Variants in DENND1A observed in about 807,000 individuals in gnomAD.
DENND1A encodes DENN domain-containing protein 1A.
DENND1A carries 51 observed loss-of-function variants against 113.7 expected under a neutral mutation model. The ratio of observed to expected loss-of-function variants is 0.45; its 90% confidence interval spans 0.36 to 0.57. The LOEUF is 0.57. DENND1A is among the 20% of genes least tolerant of loss of function. DENND1A has a pLI of 0.00. For synonymous variants in DENND1A, 565 were observed against 570.8 expected, an observed-to-expected ratio of 0.99 and a Z score of 0.14; for missense variants, 1,258 against 1,395.9, an observed-to-expected ratio of 0.90 and a Z score of 1.57.
At chr9:123,727,786 A>G (rs1338482440) in intron 5 of DENND1A, among the ~76,000 whole-genome samples, 1 of 152,194 alleles carries the variant, frequency 6.6e-6, no homozygotes, top group Non-Finnish European at 1.5e-5. Context: ...GCCAAAAACC[A>G]CAAAACACCA....
At chr9:123,552,080 T>C (rs889976677) in intron 13 of DENND1A, among the ~76,000 whole-genome samples, 44 of 93,954 alleles carry the variant, frequency 4.7e-4, no homozygotes, top group Admixed American at 2.8e-3. Flanking sequence ...GCCAAGGTGG[T>C]AAAAATCTCA....
At position 123,381,524 on chromosome 9, in the gene DENND1A, T is replaced by C; in HGVS notation, c.3121A>G (p.Lys1041Glu). 1.2e-6 allele frequency: 2 copies of C among 1,613,646 alleles called. No homozygotes were observed. Among genetic ancestry groups the C allele is most frequent in the Non-Finnish European group, 1.7e-6 (2 of 1,179,952 alleles). Residue 1041 changes from lysine to glutamate, a missense_variant, in exon 24 of 24, where the codon AAA (lysine) becomes GAA (glutamate). Physicochemically the swap from Lys to Glu is moderately conservative, Grantham distance 56. This residue lies in a region of DENND1A where 1,159 missense variants were observed against 1,231.7 expected (regional missense o/e 0.94). Transcript: ENST00000394215. This position sits in a 1 kb window ranked among gnomAD's most constrained non-coding sequence, Gnocchi z 4.7. ...ARDPFEDLLQ[K>E]TKQDVSPSPA... ...CTCGGGCTCACGTCTTGCTTGGTTT[T>C]CTGTAACAAATCCTCAAAGGGGTCT...
At chr9:123,472,159 G>A (rs1440295549) in intron 13 of DENND1A, among the ~76,000 whole-genome samples, 1 of 152,162 alleles carries the variant, frequency 6.6e-6, no homozygotes, top group Non-Finnish European at 1.5e-5. Context: ...TGCCCTTTGT[G>A]AGCTGGGCAT....
chr9:123,506,510 A>G (rs1286520286), intron 13 of DENND1A, among the ~76,000 whole-genome samples: 1 of 122,896 alleles, frequency 8.1e-6, no homozygotes, highest in East Asian at 2.9e-4. Flanking sequence ...TGAACCAGGG[A>G]GGCGGAGGTT....
chr9:123,572,149 T>C (rs2058390839), intron 12 of DENND1A, among the ~76,000 whole-genome samples: 1 of 152,238 alleles, frequency 6.6e-6, no homozygotes, highest in Admixed American at 6.5e-5. Context: ...GTTCCACTTT[T>C]AGTCCTGGCA....
At chr9:123,719,062 G>GT (rs2067163099) in intron 5 of DENND1A, among the ~76,000 whole-genome samples, 1 of 152,330 alleles carries the variant, frequency 6.6e-6, no homozygotes, top group East Asian at 1.9e-4. Flanking sequence ...CTGCCGCCAT[G>GT]TAAGAAGTGC....
At position 123,380,339 on chromosome 9, in the gene DENND1A, T is replaced by C. The variant is rs1192864825; in HGVS notation, c.*1093A>G. 6.6e-6 allele frequency: 1 copy of C among 152,594 alleles called. No homozygotes were observed. The allele number at this position is 152,594 out of a possible 1,614,324, so 9.5% of individuals were successfully genotyped here. On this transcript the variant is annotated 3_prime_UTR_variant, in exon 24 of 24. Transcript: ENST00000394215. ...ACATTCAATCTAACTTTGGTGACGT[T>C]GGCCTCAGGAATTTCTGTGCTGGCC...
chr9:123,494,618 A>G (rs1399941485), intron 13 of DENND1A, among the ~76,000 whole-genome samples: 1 of 152,132 alleles, frequency 6.6e-6, no homozygotes, highest in Non-Finnish European at 1.5e-5. Flanking sequence ...TTTAAGCCAG[A>G]TCATCCCTAT....
At chr9:123,425,545 G>A (rs1047431873) in intron 19 of DENND1A, among the ~76,000 whole-genome samples, 9 of 152,350 alleles carry the variant, frequency 5.9e-5, no homozygotes, top group Admixed American at 2.0e-4. Flanking sequence ...CACAAGGAGT[G>A]AGTGGACCTG....
intron 13 of DENND1A, among the ~76,000 whole-genome samples, chr9:123,521,075 T>G (rs935568866): frequency 3.3e-5 from 5 of 152,200 alleles, no homozygotes; most frequent in Admixed American, 3.3e-4. Context: ...GAGTACAGGT[T>G]CTTATTGTAA....
chr9:123,760,878 C>G, intron 4 of DENND1A, among the ~76,000 whole-genome samples: 1 of 152,076 alleles, frequency 6.6e-6, no homozygotes, highest in East Asian at 1.9e-4. Context: ...TTCCAAGTTA[C>G]AAATAAGGTT....
At chr9:123,505,355 A>T (rs1244234194) in intron 13 of DENND1A, among the ~76,000 whole-genome samples, 1 of 152,226 alleles carries the variant, frequency 6.6e-6, no homozygotes, top group African/African-American at 2.4e-5. Context: ...TTTGTCTTTA[A>T]AGTGACTTGG....
At chr9:123,917,945 C>T (rs1855471638) in intron 1 of DENND1A, among the ~76,000 whole-genome samples, 2 of 150,354 alleles carry the variant, frequency 1.3e-5, no homozygotes, top group South Asian at 2.1e-4. Flanking sequence ...CCCATCTCTA[C>T]TAAAAATACA....
chr9:123,776,773 C>A (rs980793720), intron 3 of DENND1A, among the ~76,000 whole-genome samples: 2 of 152,162 alleles, frequency 1.3e-5, no homozygotes, highest in African/African-American at 4.8e-5. Context: ...TTATGCAAAT[C>A]TTTTATAAAC....
chr9:123,893,631 T>C (rs1172284946), intron 1 of DENND1A, among the ~76,000 whole-genome samples: 1 of 152,214 alleles, frequency 6.6e-6, no homozygotes, highest in African/African-American at 2.4e-5. Flanking sequence ...TAATTTTATA[T>C]ACAGCACCTC....
At chr9:123,664,638 C>G (rs947505651) in intron 8 of DENND1A, among the ~76,000 whole-genome samples, 1 of 151,948 alleles carries the variant, frequency 6.6e-6, no homozygotes, top group Non-Finnish European at 1.5e-5. Context: ...GTTTAGTGTC[C>G]TCATTGTCAT....
In DENND1A at chr9:123,817,942, G is replaced by A. The variant is rs573542236; in HGVS notation, c.89-25312C>T. On this transcript the variant is annotated intron_variant, in intron 2 of 23. Coordinates refer to ENST00000394215, the MANE Select transcript of DENND1A (RefSeq NM_001352964.2). ...CTTGGGAGGCTGAGGCAGGAGAATC[G>A]CTTAAACCTGGGAGGCGGAAGTTGC... Among the ~76,000 whole-genome samples, 614 of 151,404 alleles carry A rather than the reference G, an allele frequency of 4.1e-3. 1 individual carries two copies. The highest frequency in any genetic ancestry group is 0.021 in the Middle Eastern group (6 of 292).
chr9:123,809,617 C>A (rs1378833832), intron 2 of DENND1A, among the ~76,000 whole-genome samples: 1 of 152,144 alleles, frequency 6.6e-6, no homozygotes, highest in Non-Finnish European at 1.5e-5. Context: ...AGAAAGAAAA[C>A]AATTATTAAA....
At chr9:123,708,717 T>G (rs1360711922) in intron 5 of DENND1A, among the ~76,000 whole-genome samples, 1 of 151,876 alleles carries the variant, frequency 6.6e-6, no homozygotes, top group Non-Finnish European at 1.5e-5. Context: ...GCAGGGGGAG[T>G]AGGATGAGCA....
Sources: gnomAD v4.1 joint callset for allele counts (sites outside exome capture counted in the v4.1 genomes callset) on GRCh38, gnomAD v4.1.1 for gene constraint, gnomAD v4.1.1 regional missense constraint, Gnocchi (gnomAD v3.1) non-coding constraint, MANE v1.5 for transcripts, NCBI Gene and HGNC (gene_info 2026-07-23, HGNC 2026-07-21) for gene names.